Variants in SFTPD observed in about 807,000 individuals in gnomAD.
SFTPD encodes pulmonary surfactant-associated protein D.
A neutral mutation model predicts 34.6 loss-of-function variants in SFTPD; 18 were observed. That is an observed-to-expected ratio of 0.52 (90% CI 0.36 to 0.77). The LOEUF (loss-of-function observed/expected upper bound fraction) is 0.77, where lower values mean the gene tolerates loss of function less well. Ranked by LOEUF, SFTPD falls within the 30% of genes least tolerant of loss-of-function variation. The pLI is 0.00. For missense variants in SFTPD, 433 were observed against 468.9 expected (o/e 0.92, Z 0.71); for synonymous variants, 155 against 180.9 (o/e 0.86, Z 1.15).
chr10:79,956,227 A>C (rs1842737029), intron 1 of SFTPD, among the ~76,000 whole-genome samples: 1 of 152,250 alleles, frequency 6.6e-6, no homozygotes, highest in Non-Finnish European at 1.5e-5. Flanking sequence ...AGTGTGAGCG[A>C]CACAGAAGAC....
chr10:79,940,661 G>A, intron 7 of SFTPD, 44 bp downstream of exon 7: 3 of 1,265,290 alleles, frequency 2.4e-6, no homozygotes, highest in East Asian at 2.3e-5. Context: ...CTAGTGTGGG[G>A]CCCAATGCCA....
upstream of SFTPD, among the ~76,000 whole-genome samples, chr10:79,951,864 A>G (rs922504887): frequency 3.9e-5 from 6 of 152,194 alleles, no homozygotes; most frequent in African/African-American, 1.4e-4. Flanking sequence ...GGGAAACCCC[A>G]ATTATGAGCA....
At chr10:79,973,628 A>AAG (rs995008300) in intron 1 of SFTPD, among the ~76,000 whole-genome samples, 2 of 151,790 alleles carry the variant, frequency 1.3e-5, no homozygotes, top group African/African-American at 4.8e-5. Flanking sequence ...AAAAAAAAAA[A>AAG]AAAAAAAAAG....
In SFTPD at chr10:79,941,938, T is replaced by G. The variant is rs1480548901; in HGVS notation, c.550+16A>C. On this transcript the variant is annotated intron_variant, in intron 5 of 7. Coordinates refer to ENST00000372292, the MANE Select transcript of SFTPD (RefSeq NM_003019.5). ...AGAACTGGACCCAGCCCAGCCCAGC[T>G]CTTTCCACTGCTCACCTGCTGCCCC... The G allele has an allele frequency of 6.5e-7, 1 of 1,549,352 alleles. No individual in the cohort carries two copies. The highest frequency in any genetic ancestry group is 1.1e-5 in the South Asian group (1 of 89,594).
At chr10:79,942,575 G>T in intron 3 of SFTPD, 71 bp from the exon 4 acceptor site, 1 of 1,086,112 alleles carries the variant, frequency 9.2e-7, no homozygotes, top group Non-Finnish European at 1.4e-6. Context: ...GTAAGGTGAG[G>T]GTAATAACAG....
rs538577947 is a variant in SFTPD at position 79,957,059 on chromosome 10, A to G, written c.37-10397T>C. On this transcript the variant is annotated intron_variant, in intron 1 of 5. Coordinates refer to the SFTPD transcript ENST00000444384. ...CAAACAGGGTCTGGAGTGGACCTCT[A>G]GCAAACTCCAACAGACCTGCAGCTG... Among the ~76,000 whole-genome samples the G allele has an allele frequency of 4.6e-5, 7 of 151,566 alleles. No individual in the cohort carries two copies. The South Asian group carries it at 1.1e-3, about 23-fold the overall frequency.
intron 1 of SFTPD, 108 bp from the exon 2 acceptor site, chr10:79,946,770 G>T: frequency 1.0e-6 from 1 of 989,670 alleles, no homozygotes; most frequent in Non-Finnish European, 1.5e-6. Flanking sequence ...CCCTCCTTCT[G>T]TCCTCTGCTA....
At chr10:79,941,273 TCCACCCA>T in intron 6 of SFTPD, 118 bp downstream of exon 6, 2 of 827,444 alleles carry the variant, frequency 2.4e-6, no homozygotes, top group Non-Finnish European at 3.9e-6. Context: ...TTTCCTGAGT[TCCACCCA>T]CCAGCTGCCA....
intron 1 of SFTPD, among the ~76,000 whole-genome samples, chr10:79,982,364 C>T (rs928995697): frequency 6.6e-5 from 10 of 151,692 alleles, no homozygotes; most frequent in Non-Finnish European, 1.0e-4. Context: ...GGCAGCCCCG[C>T]GCAGCCGCTC....
chr10:79,971,358 G>A (rs1842833400), intron 1 of SFTPD: 1 of 152,038 alleles, frequency 6.6e-6, no homozygotes, highest in South Asian at 2.1e-4. Context: ...TGGTATGAGG[G>A]TAACGTCATC....
chr10:79,953,216 C>G (rs887032213), upstream of SFTPD, among the ~76,000 whole-genome samples: 1 of 152,198 alleles, frequency 6.6e-6, no homozygotes, highest in African/African-American at 2.4e-5. Flanking sequence ...ATTACTTTTA[C>G]CAGTGAAACT....
chr10:79,968,173 T>C (rs553727396), intron 1 of SFTPD: 6 of 152,060 alleles, frequency 3.9e-5, no homozygotes, highest in South Asian at 2.1e-4. Flanking sequence ...TTTCCCTTTG[T>C]TGGGAATTTT....
chr10:79,942,154 G>A (rs896359121), intron 4 of SFTPD, 84 bp from the exon 5 acceptor site: 12 of 984,298 alleles, frequency 1.2e-5, no homozygotes, highest in South Asian at 5.8e-5. Flanking sequence ...CTTTTTGCCC[G>A]CAACTTTAGG....
intron 1 of SFTPD, chr10:79,971,144 T>C (rs779897792): frequency 6.6e-6 from 1 of 152,170 alleles, no homozygotes; most frequent in Non-Finnish European, 1.5e-5. Context: ...TTGTCCATCA[T>C]TTTGTAAGTG....
intron 1 of SFTPD, chr10:79,969,921 C>A (rs1047533193): frequency 2.0e-5 from 3 of 152,032 alleles, no homozygotes; most frequent in Non-Finnish European, 2.9e-5. Context: ...GCTTTGATTG[C>A]CCTTGCTTTT....
At chr10:79,946,436 G>T (rs778107194) in intron 2 of SFTPD, 25 bp downstream of exon 2, 23 of 1,570,332 alleles carry the variant, frequency 1.5e-5, no homozygotes, top group Non-Finnish European at 1.9e-5. Flanking sequence ...CTCCCCAGCA[G>T]GATAAGCCCA....
chr10:79,942,531 T>A, intron 3 of SFTPD, 27 bp from the exon 4 acceptor site: 1 of 1,429,236 alleles, frequency 7.0e-7, no homozygotes, highest in African/African-American at 1.4e-5. Context: ...GCCCGGTCAG[T>A]AACAATGAAT....
chr10:79,959,832 A>G (rs28781923), intron 1 of SFTPD, among the ~76,000 whole-genome samples: 94,846 of 151,242 alleles, frequency 0.63, 30,326 homozygotes, highest in African/African-American at 0.76. Flanking sequence ...GCCTGGCAGA[A>G]ACACAACCAA....
intron 1 of SFTPD, among the ~76,000 whole-genome samples, chr10:79,963,471 C>T (rs76239460): frequency 0.069 from 10,553 of 152,168 alleles, 567 homozygotes; most frequent in South Asian, 0.2. Context: ...CCAAGAATGT[C>T]AGAGTACCTA....
Sources: allele counts gnomAD v4.1 joint callset (sites outside exome capture counted in the v4.1 genomes callset), GRCh38; gene constraint gnomAD v4.1.1; transcripts MANE v1.5; gene names NCBI Gene and HGNC (gene_info 2026-07-23, HGNC 2026-07-21).